ADAMTSL1: variants seen among roughly 807,000 people sequenced by gnomAD.
ADAMTSL1 encodes the protein ADAMTS like 1.
ADAMTSL1 carries 126 observed loss-of-function variants against 201.8 expected under a neutral mutation model. The ratio of observed to expected loss-of-function variants is 0.62; its 90% CI spans 0.54 to 0.72. The LOEUF (loss-of-function observed/expected upper bound fraction) is 0.72. Among genes scored for constraint, ADAMTSL1 ranks in the 30% least tolerant of loss-of-function variants. The pLI is 0.00. For synonymous variants in ADAMTSL1, 1,121 were observed against 903.4 expected, an observed-to-expected ratio of 1.24 and a Z score of -4.32; for missense variants, 2,679 against 2,277.8, an observed-to-expected ratio of 1.18 and a Z score of -3.59.
intron 1 of ADAMTSL1, among the ~76,000 whole-genome samples, chr9:18,102,506 T>C (rs1209524297): frequency 2.0e-5 from 3 of 152,188 alleles, no homozygotes; most frequent in African/African-American, 7.2e-5. Context: ...TAGTTAGTGG[T>C]CACTTCTACT....
chr9:18,812,797 G>T (rs1444615757), intron 20 of ADAMTSL1, among the ~76,000 whole-genome samples: 1 of 152,022 alleles, frequency 6.6e-6, no homozygotes, highest in East Asian at 1.9e-4. Context: ...TGTGTTCTTG[G>T]CACTTTTGTT....
At chr9:18,844,019 A>C (rs1019269278) in intron 23 of ADAMTSL1, among the ~76,000 whole-genome samples, 21 of 152,072 alleles carry the variant, frequency 1.4e-4, no homozygotes, top group Non-Finnish European at 2.1e-4. Context: ...TCGTCTGAAG[A>C]CTTCTTCTCT....
At chr9:18,730,209 C>G (rs998889557) in intron 15 of ADAMTSL1, among the ~76,000 whole-genome samples, 2 of 152,002 alleles carry the variant, frequency 1.3e-5, no homozygotes, top group Non-Finnish European at 2.9e-5. Context: ...AACAATTTGA[C>G]GAGAAGAGTT....
intron 1 of ADAMTSL1, among the ~76,000 whole-genome samples, chr9:18,098,635 T>C (rs1824357503): frequency 6.6e-6 from 1 of 152,246 alleles, no homozygotes; most frequent in African/African-American, 2.4e-5. Flanking sequence ...TTGAGTGTTA[T>C]CTGCAAACCA....
intron 2 of ADAMTSL1, among the ~76,000 whole-genome samples, chr9:18,358,966 T>G (rs567608325): frequency 6.6e-6 from 1 of 151,864 alleles, no homozygotes; most frequent in African/African-American, 2.4e-5. Context: ...TCATGGAGGG[T>G]GGGGTAGGGG....
chr9:18,008,127 T>A (rs1441332347), intron 1 of ADAMTSL1, among the ~76,000 whole-genome samples: 1 of 152,042 alleles, frequency 6.6e-6, no homozygotes, highest in African/African-American at 2.4e-5. Context: ...GATTTTAAAA[T>A]AATCTTAGAT....
chr9:18,205,796 G>A (rs1328030822), intron 2 of ADAMTSL1, among the ~76,000 whole-genome samples: 1 of 152,072 alleles, frequency 6.6e-6, no homozygotes, highest in Admixed American at 6.6e-5. Context: ...GCTCATGCCT[G>A]TAATCCCAAG....
chr9:18,188,396 G>C (rs1828829332), intron 2 of ADAMTSL1, among the ~76,000 whole-genome samples: 1 of 152,098 alleles, frequency 6.6e-6, no homozygotes, highest in African/African-American at 2.4e-5. Context: ...TATCCCTTGT[G>C]CTTCCTCAGT....
At chr9:17,949,248 C>T (rs1563914539) in intron 1 of ADAMTSL1, among the ~76,000 whole-genome samples, 1 of 152,094 alleles carries the variant, frequency 6.6e-6, no homozygotes, top group Non-Finnish European at 1.5e-5. Flanking sequence ...CCCAGAGGCT[C>T]AGTGGTAGAA....
At chr9:18,451,259 A>G (rs1284415742) in intron 2 of ADAMTSL1, among the ~76,000 whole-genome samples, 2 of 152,194 alleles carry the variant, frequency 1.3e-5, no homozygotes, top group Admixed American at 6.5e-5. Flanking sequence ...GCATACCTCA[A>G]TGTAAAGGGC....
rs1402085200 is a variant in ADAMTSL1, at chr9:18,028,265, G to A, written c.87+121343G>A. On this transcript the variant is annotated intron_variant, in intron 1 of 29. Transcript: ENST00000680146. ...AGGAGTCTGTGCAATGTGTACTTAA[G>A]TGTGTTTTTGAAGTAGCAGGTATTG... 2.0e-5 allele frequency among the ~76,000 whole-genome samples: 3 copies of A among 152,208 alleles called. No individual in the cohort carries two copies. The East Asian group carries it at 5.8e-4, about 29-fold the overall frequency.
intron 8 of ADAMTSL1, among the ~76,000 whole-genome samples, chr9:18,660,936 G>T (rs892425885): frequency 1.3e-5 from 2 of 152,022 alleles, no homozygotes; most frequent in Non-Finnish European, 2.9e-5. Flanking sequence ...GTCCCTTAAT[G>T]ATTTAAATCT....
At chr9:17,925,460 G>A (rs1242212292) in intron 1 of ADAMTSL1, among the ~76,000 whole-genome samples, 3 of 96,844 alleles carry the variant, frequency 3.1e-5, no homozygotes, top group African/African-American at 1.0e-4. Context: ...CAACCCAAAT[G>A]TCCAACAATG....
intron 1 of ADAMTSL1, among the ~76,000 whole-genome samples, chr9:18,068,460 G>T (rs1822808198): frequency 6.6e-6 from 1 of 152,038 alleles, no homozygotes; most frequent in Non-Finnish European, 1.5e-5. Context: ...GCAAATACTA[G>T]ACCATTTTAT....
At chr9:18,186,514 C>T (rs714345) in intron 2 of ADAMTSL1, among the ~76,000 whole-genome samples, 31,965 of 151,854 alleles carry the variant, frequency 0.21, 3,600 homozygotes, top group Non-Finnish European at 0.26. Flanking sequence ...TTCATTTTGC[C>T]GACTGTAGAA....
chr9:18,516,354 A>G (rs1401874314), intron 2 of ADAMTSL1, among the ~76,000 whole-genome samples: 1 of 152,194 alleles, frequency 6.6e-6, no homozygotes, highest in Non-Finnish European at 1.5e-5. Context: ...GGCAGGAAGA[A>G]TAACTTATAA....
At chr9:18,128,051 A>G (rs1176201795) in intron 1 of ADAMTSL1, among the ~76,000 whole-genome samples, 2 of 152,190 alleles carry the variant, frequency 1.3e-5, no homozygotes, top group African/African-American at 2.4e-5. Flanking sequence ...AGTTTTATGT[A>G]AATTTTTGTC....
In ADAMTSL1 at chr9:18,104,141, C is replaced by T. The variant is rs10963452; in HGVS notation, c.88-59721C>T. Among the ~76,000 whole-genome samples the T allele has an allele frequency of 6.0e-3, 906 of 152,194 alleles. 18 individuals carry two copies. Among genetic ancestry groups the T allele is most frequent in the East Asian group, 0.046 (238 of 5,166 alleles). ...CTCTTTATTTCATGAAAAGCTGAGG[C>T]CTAGGAGTATTTATTAGTTCTCTAC... On this transcript the variant is annotated intron_variant, in intron 1 of 29. Coordinates refer to the ADAMTSL1 transcript ENST00000680146.
At chr9:18,646,873 G>C (rs948229389) in intron 7 of ADAMTSL1, among the ~76,000 whole-genome samples, 5 of 152,038 alleles carry the variant, frequency 3.3e-5, no homozygotes, top group African/African-American at 4.8e-5. Context: ...GTCTCTGCCC[G>C]GCTTTGGTAT....
Sources: gnomAD v4.1 joint callset for allele counts (sites outside exome capture counted in the v4.1 genomes callset) on GRCh38, gnomAD v4.1.1 for gene constraint, MANE v1.5 for transcripts, NCBI Gene and HGNC (gene_info 2026-07-23, HGNC 2026-07-21) for gene names.